CDH7: variants seen among roughly 807,000 people sequenced by gnomAD.
The protein encoded by CDH7 is cadherin 7, also known as cadherin-7.
A neutral mutation model predicts 71.8 loss-of-function variants in CDH7; 25 were observed. The observed-to-expected ratio is 0.35, with a 90% CI of 0.25 to 0.49. The LOEUF is 0.49. Ranked by LOEUF, CDH7 falls within the 20% of genes least tolerant of loss-of-function variation. CDH7 has a pLI of 0.99. For missense variants in CDH7, 862 were observed against 974.6 expected (o/e 0.88, Z 1.54); for synonymous variants, 381 against 363.8 (o/e 1.05, Z -0.54).
chr18:65,833,136 A>T (rs1261244867), intron 6 of CDH7, among the ~76,000 whole-genome samples: 1 of 152,176 alleles, frequency 6.6e-6, no homozygotes, highest in African/African-American at 2.4e-5. Context: ...ATACAGCATT[A>T]TGTGGAGGTG....
intron 7 of CDH7, among the ~76,000 whole-genome samples, chr18:65,856,926 G>T (rs371013616): frequency 6.6e-6 from 1 of 151,614 alleles, no homozygotes; most frequent in Non-Finnish European, 1.5e-5. Context: ...TCAAGAAAAG[G>T]CTTTTACATG....
intron 2 of CDH7, among the ~76,000 whole-genome samples, chr18:65,788,193 C>T (rs1302417576): frequency 6.6e-6 from 1 of 152,174 alleles, no homozygotes; most frequent in African/African-American, 2.4e-5. Context: ...GGACTGGTTG[C>T]TTGCAAAGCA....
At chr18:65,779,324 C>CT (rs1210801622) in intron 2 of CDH7, among the ~76,000 whole-genome samples, 1 of 89,854 alleles carries the variant, frequency 1.1e-5, no homozygotes. Context: ...TTATTATACT[C>CT]TAAGTTTTAG....
chr18:65,842,508 ATGTGTATATG>A, intron 6 of CDH7, among the ~76,000 whole-genome samples: 1 of 151,904 alleles, frequency 6.6e-6, no homozygotes, highest in Admixed American at 6.6e-5. Flanking sequence ...TATATATATA[ATGTGTATATG>A]TGTGTATATA....
intron 6 of CDH7, among the ~76,000 whole-genome samples, chr18:65,829,070 G>A (rs576952147): frequency 2.0e-5 from 3 of 152,142 alleles, no homozygotes; most frequent in Admixed American, 6.5e-5. Flanking sequence ...GTGAAATAAT[G>A]TATAGCAACA....
At chr18:65,875,612 C>T (rs1028811089) in intron 11 of CDH7, among the ~76,000 whole-genome samples, 5 of 152,126 alleles carry the variant, frequency 3.3e-5, no homozygotes, top group Admixed American at 6.6e-5. Flanking sequence ...AAAGGCCGGG[C>T]GTGGTGGCTC....
At chr18:65,869,499 G>A (rs1913861889) in intron 11 of CDH7, among the ~76,000 whole-genome samples, 1 of 141,984 alleles carries the variant, frequency 7.0e-6, no homozygotes, top group South Asian at 2.2e-4. Context: ...ATTCTGCTTT[G>A]TCTTTCTGCC....
intron 11 of CDH7, among the ~76,000 whole-genome samples, chr18:65,873,403 T>C (rs577056685): frequency 2.0e-5 from 3 of 152,330 alleles, no homozygotes; most frequent in East Asian, 1.9e-4. Flanking sequence ...GAAATGCATA[T>C]GTAATTTGAA....
At chr18:65,779,247 A>T (rs374462783) in intron 2 of CDH7, among the ~76,000 whole-genome samples, 3 of 126,282 alleles carry the variant, frequency 2.4e-5, no homozygotes, top group African/African-American at 9.2e-5. Context: ...CCATAAGAAT[A>T]GAAAACATTC....
rs1914395922 is a variant in CDH7 at position 65,887,286 on chromosome 18, T to C, written c.*6392T>C. Reference sequence around the variant, plus strand: ...AGTTTTTTTATTATTATTATTATACTTTAAGTTTTAGGGTACATGTGCACA... The same window carrying C: ...AGTTTTTTTATTATTATTATTATACCTTAAGTTTTAGGGTACATGTGCACA... On this transcript the variant is annotated 3_prime_UTR_variant, in exon 12 of 12. Coordinates refer to ENST00000397968, the MANE Select transcript of CDH7 (RefSeq NM_004361.5). The C allele has an allele frequency of 6.6e-6, 1 of 152,064 alleles. No homozygotes were observed. The highest frequency in any genetic ancestry group is 1.5e-5 in the Non-Finnish European group (1 of 68,012). 9.4% of individuals were successfully genotyped at this position (152,064 alleles called of 1,614,324 possible). A position where few individuals can be genotyped will look rare whatever the true frequency, so the allele number is the denominator to read the frequency against.
chr18:65,862,551 A>T, intron 10 of CDH7, 115 bp from the exon 11 acceptor site: 2 of 1,027,072 alleles, frequency 1.9e-6, no homozygotes, highest in South Asian at 3.2e-5. Context: ...TAAATCTGCA[A>T]CTCCAGAGAT....
At position 65,782,075 on chromosome 18, in the gene CDH7, T is replaced by C. The variant is rs1279357269; in HGVS notation, c.210+19023T>C. Among the ~76,000 whole-genome samples the C allele has an allele frequency of 1.0e-3, 55 of 54,394 alleles. 2 individuals carry two copies. The highest frequency in any genetic ancestry group is 3.5e-3 in the African/African-American group (19 of 5,440). 35.7% of individuals were successfully genotyped at this position (54,394 alleles called of 152,430 possible). ...CTTCCTTCCTTCCTTTCTTTCTTTC[T>C]TTCTTTCCTTCCTTCCTTCCTTCCT... On this transcript the variant is annotated intron_variant, in intron 2 of 11. Coordinates refer to ENST00000397968, the MANE Select transcript of CDH7 (RefSeq NM_004361.5).
intron 2 of CDH7, among the ~76,000 whole-genome samples, chr18:65,798,713 G>A (rs1025760407): frequency 6.6e-6 from 1 of 152,130 alleles, no homozygotes; most frequent in Non-Finnish European, 1.5e-5. Context: ...GGGAAAAGGA[G>A]GAGCTTTAAA....
At chr18:65,798,139 A>C (rs79770330) in intron 2 of CDH7, among the ~76,000 whole-genome samples, 7,870 of 152,160 alleles carry the variant, frequency 0.052, 685 homozygotes, top group African/African-American at 0.18. Context: ...TTCTCAAATA[A>C]AGAACACCAG....
chr18:65,778,658 TTTA>T (rs1417095888), intron 2 of CDH7, among the ~76,000 whole-genome samples: 1 of 130,146 alleles, frequency 7.7e-6, no homozygotes, highest in Non-Finnish European at 1.6e-5. Context: ...GCATATAGAG[TTTA>T]TTTTCTTTTT....
chr18:65,753,129 C>T (rs1170868483), intron 1 of CDH7, among the ~76,000 whole-genome samples: 1 of 152,098 alleles, frequency 6.6e-6, no homozygotes, highest in Non-Finnish European at 1.5e-5. Context: ...CACTGTTCAG[C>T]CTTCCTTGGC....
chr18:65,876,255 G>A (rs985519815), intron 11 of CDH7, among the ~76,000 whole-genome samples: 3 of 152,164 alleles, frequency 2.0e-5, no homozygotes, highest in Non-Finnish European at 2.9e-5. Context: ...TGAATTGAAT[G>A]TTGTAAGACT....
At chr18:65,799,704 G>C (rs2143879141) in intron 2 of CDH7, among the ~76,000 whole-genome samples, 1 of 151,510 alleles carries the variant, frequency 6.6e-6, no homozygotes, top group East Asian at 2.0e-4. Context: ...ATCCCACTCT[G>C]ATCCTTTGGT....
chr18:65,792,070 C>T (rs1301129055), intron 2 of CDH7, among the ~76,000 whole-genome samples: 1 of 151,922 alleles, frequency 6.6e-6, no homozygotes, highest in African/African-American at 2.4e-5. Flanking sequence ...CACATAGGGG[C>T]ATGTTAGATC....
Sources: allele counts gnomAD v4.1 joint callset (sites outside exome capture counted in the v4.1 genomes callset), GRCh38; gene constraint gnomAD v4.1.1; transcripts MANE v1.5; gene names NCBI Gene and HGNC (gene_info 2026-07-23, HGNC 2026-07-21).